ENTREP1: variants seen among roughly 807,000 people sequenced by gnomAD.
ENTREP1 encodes the protein Friedreich ataxia region gene X123.
At chr9:69,378,003 A>G in the ENTREP1 span, among the ~76,000 whole-genome samples, 2 of 138,194 alleles carry the variant, frequency 1.4e-5, no homozygotes, top group Non-Finnish European at 3.3e-5. Context: ...AGGGGTTTCT[A>G]TTCTCTCTGT....
chr9:69,384,930 AT>A, the ENTREP1 span, among the ~76,000 whole-genome samples: 1 of 150,626 alleles, frequency 6.6e-6, no homozygotes, highest in East Asian at 2.0e-4. Context: ...ATTTTTATTT[AT>A]TTTTTCTGAG....
the ENTREP1 span, chr9:69,325,607 C>T: frequency 8.1e-7 from 1 of 1,229,858 alleles, no homozygotes; most frequent in Non-Finnish European, 1.0e-6. Context: ...GCTGCTGTCA[C>T]TTGGGCTGCT....
chr9:69,324,689 T>C, the ENTREP1 span: 1 of 984,562 alleles, frequency 1.0e-6, no homozygotes, highest in Non-Finnish European at 1.2e-6. Flanking sequence ...CTTCCCGAAG[T>C]CCTTGGCTTA....
the ENTREP1 span, among the ~76,000 whole-genome samples, chr9:69,377,037 A>C: frequency 6.6e-6 from 1 of 152,102 alleles, no homozygotes; most frequent in African/African-American, 2.4e-5. Context: ...CTCAGAAGAG[A>C]AGCTCACTGC....
At chr9:69,342,470 G>C in the ENTREP1 span, among the ~76,000 whole-genome samples, 18 of 152,262 alleles carry the variant, frequency 1.2e-4, no homozygotes, top group African/African-American at 3.8e-4. Context: ...CTGTTATCTT[G>C]TTTGTGAATG....
the ENTREP1 span, among the ~76,000 whole-genome samples, chr9:69,331,103 A>G: frequency 1.3e-5 from 2 of 152,108 alleles, no homozygotes; most frequent in South Asian, 2.1e-4. Flanking sequence ...ATACACACAC[A>G]TTTTTTAAAA....
At chr9:69,370,815 A>G in the ENTREP1 span, among the ~76,000 whole-genome samples, 1 of 152,120 alleles carries the variant, frequency 6.6e-6, no homozygotes, top group African/African-American at 2.4e-5. Flanking sequence ...TTGCTTTTAT[A>G]TTTGCAATAA....
At chr9:69,336,906 G>A in the ENTREP1 span, among the ~76,000 whole-genome samples, 1 of 151,312 alleles carries the variant, frequency 6.6e-6, no homozygotes, top group East Asian at 1.9e-4. Context: ...CACTATGTTG[G>A]TCAGGCTGGT....
chr9:69,335,176 T>C, the ENTREP1 span, among the ~76,000 whole-genome samples: 1 of 152,230 alleles, frequency 6.6e-6, no homozygotes, highest in Non-Finnish European at 1.5e-5. Context: ...CTAGAACATA[T>C]ATTAATTGCC....
the ENTREP1 span, among the ~76,000 whole-genome samples, chr9:69,328,280 T>C: frequency 1.5e-3 from 221 of 152,300 alleles, no homozygotes; most frequent in Middle Eastern, 3.4e-3. Context: ...TGGAAGCAAA[T>C]CTCAGGTGTC....
At chr9:69,391,098 A>T in the ENTREP1 span, among the ~76,000 whole-genome samples, 1 of 152,050 alleles carries the variant, frequency 6.6e-6, no homozygotes, top group Non-Finnish European at 1.5e-5. Context: ...TTGACATTTT[A>T]TAAACCCATC....
At chr9:69,366,384 G>GTTTTT in the ENTREP1 span, among the ~76,000 whole-genome samples, 764 of 122,862 alleles carry the variant, frequency 6.2e-3, 37 homozygotes, top group South Asian at 0.018. Flanking sequence ...TTCCAACTGG[G>GTTTTT]GTTTTTTTTT....
the ENTREP1 span, among the ~76,000 whole-genome samples, chr9:69,343,640 C>A: frequency 6.6e-6 from 1 of 152,162 alleles, no homozygotes; most frequent in Non-Finnish European, 1.5e-5. Context: ...AAATGAAAAT[C>A]AAAACCACAA....
the ENTREP1 span, among the ~76,000 whole-genome samples, chr9:69,362,796 A>C: frequency 6.6e-6 from 1 of 152,084 alleles, no homozygotes; most frequent in Non-Finnish European, 1.5e-5. Context: ...AAAATGCAAA[A>C]AAGCTAGACT....
At chr9:69,328,834 T>C in the ENTREP1 span, among the ~76,000 whole-genome samples, 2 of 152,186 alleles carry the variant, frequency 1.3e-5, no homozygotes, top group Non-Finnish European at 2.9e-5. Flanking sequence ...TTAGAAAATG[T>C]TTATCAACCC....
chr9:69,378,149 G>A, the ENTREP1 span, among the ~76,000 whole-genome samples: 15 of 152,060 alleles, frequency 9.9e-5, no homozygotes, highest in Admixed American at 9.8e-4. Flanking sequence ...TGACACCCAG[G>A]GAGATAACAG....
the ENTREP1 span, among the ~76,000 whole-genome samples, chr9:69,367,592 G>A: frequency 7.5e-6 from 1 of 133,612 alleles, no homozygotes; most frequent in African/African-American, 2.8e-5. Flanking sequence ...ATTTATTCCT[G>A]GGTGTTTTAT....
At chr9:69,357,095 CAAAAAAAA>C in the ENTREP1 span, among the ~76,000 whole-genome samples, 10 of 88,960 alleles carry the variant, frequency 1.1e-4, no homozygotes, top group South Asian at 2.4e-3. Flanking sequence ...ACCATCTCTA[CAAAAAAAA>C]AAAAAAAAAA....
At chr9:69,356,035 T>C in the ENTREP1 span, among the ~76,000 whole-genome samples, 1 of 152,332 alleles carries the variant, frequency 6.6e-6, no homozygotes, top group South Asian at 2.1e-4. Flanking sequence ...TTTAGTGGCA[T>C]TAAGCGTGTT....
Sources: gnomAD v4.1 joint callset for allele counts (sites outside exome capture counted in the v4.1 genomes callset) on GRCh38, gnomAD v4.1.1 for gene constraint, MANE v1.5 for transcripts, NCBI Gene and HGNC (gene_info 2026-07-23, HGNC 2026-07-21) for gene names.